NOTCH3: variants seen among roughly 807,000 people sequenced by gnomAD.
NOTCH3 encodes neurogenic locus notch homolog protein 3.
Under a neutral mutation model 213.3 loss-of-function variants are expected in NOTCH3, and 86 were observed. The observed-to-expected ratio is 0.40, with a 90% CI of 0.34 to 0.48. NOTCH3 has a LOEUF of 0.48. Ranked by LOEUF, NOTCH3 falls within the 20% of genes least tolerant of loss-of-function variation. NOTCH3 has a pLI of 0.57. For synonymous variants in NOTCH3, 1,354 were observed against 1,355.9 expected (o/e 1.00, Z 0.03); for missense variants, 2,783 against 3,272.6 (o/e 0.85, Z 3.65).
intron 2 of NOTCH3, 113 bp from the exon 3 acceptor site, chr19:15,192,632 T>A (rs1412830454): frequency 7.0e-7 from 1 of 1,436,892 alleles, no homozygotes; most frequent in African/African-American, 1.4e-5. Context: ...AAACACACAT[T>A]TGCTGGGAGC....
In NOTCH3 at chr19:15,159,444, T is replaced by C. The variant is rs1283631045; in HGVS notation, c.*1218A>G. The C allele has an allele frequency of 1.6e-5, 3 of 185,208 alleles. No individual in the cohort carries two copies. Among genetic ancestry groups the C allele is most frequent in the Non-Finnish European group, 3.4e-5 (3 of 87,490 alleles). 11.5% of individuals were successfully genotyped at this position (185,208 alleles called of 1,614,324 possible). ...AAGTTCTCGAGCAAAAGAATCTGATTGGCTCAGCTTAAGTCAGGTGACAAC... is the reference window on the plus strand; with the variant it reads ...AAGTTCTCGAGCAAAAGAATCTGATCGGCTCAGCTTAAGTCAGGTGACAAC... On this transcript the variant is annotated 3_prime_UTR_variant, in exon 33 of 33. Transcript: ENST00000263388.
intron 9 of NOTCH3, 98 bp downstream of exon 9, chr19:15,188,137 G>GT: frequency 9.2e-7 from 1 of 1,083,826 alleles, no homozygotes; most frequent in Non-Finnish European, 1.4e-6. Flanking sequence ...GGTTTCTATT[G>GT]TAAGTTATCC....
chr19:15,179,812 G>A (rs2046824265), intron 20 of NOTCH3, among the ~76,000 whole-genome samples: 1 of 152,054 alleles, frequency 6.6e-6, no homozygotes, highest in Non-Finnish European at 1.5e-5. Context: ...GAACCCAGGA[G>A]GCAAAGGTTG....
intron 23 of NOTCH3, chr19:15,178,390 T>C: frequency 2.4e-6 from 1 of 418,156 alleles, no homozygotes; most frequent in South Asian, 3.2e-5. Flanking sequence ...GGGCAGGGGG[T>C]TGTTTCTTTG....
intron 24 of NOTCH3, among the ~76,000 whole-genome samples, chr19:15,177,251 G>GGA (rs1555727292): frequency 8.6e-6 from 1 of 116,120 alleles, no homozygotes. Context: ...TCCATCTCGG[G>GGA]AAAAAAAAAA....
At chr19:15,164,547 A>AAG (rs2046670102) in intron 31 of NOTCH3, among the ~76,000 whole-genome samples, 2 of 143,004 alleles carry the variant, frequency 1.4e-5, no homozygotes, top group Non-Finnish European at 3.0e-5. Flanking sequence ...GTCTCAAAAA[A>AAG]AAAAATTAAA....
At chr19:15,193,787 CA>C (rs1171974208) in intron 2 of NOTCH3, among the ~76,000 whole-genome samples, 2 of 62,320 alleles carry the variant, frequency 3.2e-5, no homozygotes, top group African/African-American at 8.7e-5. Context: ...AAACAAAAAA[CA>C]AAAAAAACAA....
At chr19:15,181,946 CA>C in intron 16 of NOTCH3, 145 bp from the exon 17 acceptor site, 1 of 704,850 alleles carries the variant, frequency 1.4e-6, no homozygotes, top group Admixed American at 2.5e-5. Context: ...AATCTAAATC[CA>C]TCCCCTTCTG....
Position 15,187,897 on chromosome 19 carries a change from C to G in NOTCH3, c.1590G>C (p.Glu530Asp). Residue 530 changes from glutamate (E) to aspartate (D), a missense_variant, in exon 10 of 33, where the codon GAG becomes GAC. Physicochemically the swap from Glu to Asp is conservative, Grantham distance 45. Around this residue, in one of 6 missense-constraint regions of NOTCH3, gnomAD observed 708 missense variants for 906.6 expected, o/e 0.78. Coordinates refer to ENST00000263388, the MANE Select transcript of NOTCH3 (RefSeq NM_000435.3). ...CCGCCTCACCCTCGGCACAGCGGCA[C>G]TCGTAGCCATCGGGCTGGTCCACGC... ...AKCVDQPDGY[E>D]CRCAEGFEGT... 4 of 1,549,328 alleles carry G rather than the reference C, an allele frequency of 2.6e-6. No individual in the cohort carries two copies. Among genetic ancestry groups the G allele is most frequent in the Non-Finnish European group, 3.5e-6 (4 of 1,146,828 alleles).
intron 24 of NOTCH3, 59 bp from the exon 25 acceptor site, chr19:15,174,459 C>G: frequency 7.7e-7 from 1 of 1,297,966 alleles, no homozygotes; most frequent in Non-Finnish European, 1.1e-6. Flanking sequence ...AGACAATCCC[C>G]TTCCATGCAT....
intron 2 of NOTCH3, among the ~76,000 whole-genome samples, chr19:15,195,633 G>A (rs563920691): frequency 4.0e-5 from 6 of 151,890 alleles, no homozygotes; most frequent in Admixed American, 2.6e-4. Flanking sequence ...GCAAGCAAGG[G>A]TGCGGGTGGC....
At chr19:15,198,693 G>A (rs771216526) in intron 1 of NOTCH3, among the ~76,000 whole-genome samples, 60 of 152,190 alleles carry the variant, frequency 3.9e-4, no homozygotes, top group South Asian at 1.0e-3. Flanking sequence ...AGAGGTTCCA[G>A]TGAGCCGAGA....
Position 15,192,113 on chromosome 19 carries a change from T to C in NOTCH3, c.526A>G (p.Asn176Asp). 1.1e-5 allele frequency: 18 copies of C among 1,613,048 alleles called. No homozygotes were observed. Among genetic ancestry groups the C allele is most frequent in the Non-Finnish European group, 1.5e-5 (18 of 1,180,006 alleles). ...TGGCAGCGGAAGGAGCCAGGTGTGT[T>C]GAGGCAGGTGCCACCATGGCGGCAG... is the stretch of plus-strand genomic sequence containing the variant. ...EPCRHGGTCLNTPGSFRCQCP... is the reference protein window; with the variant it reads ...EPCRHGGTCLDTPGSFRCQCP... Residue 176 changes from asparagine (N) to aspartate (D), a missense_variant, in exon 4 of 33, where the codon AAC (asparagine) becomes GAC (aspartate). Asn to Asp is a conservative substitution (Grantham distance 23, BLOSUM62 1). Coordinates refer to ENST00000263388, the MANE Select transcript of NOTCH3 (RefSeq NM_000435.3).
intron 2 of NOTCH3, among the ~76,000 whole-genome samples, chr19:15,192,721 C>G (rs1327722657): frequency 6.6e-6 from 1 of 152,194 alleles, no homozygotes; most frequent in African/African-American, 2.4e-5. Flanking sequence ...TCAAGACCAG[C>G]CTAGCCAACA....
intron 1 of NOTCH3, among the ~76,000 whole-genome samples, chr19:15,199,282 C>T (rs2046992833): frequency 6.6e-6 from 1 of 152,110 alleles, no homozygotes. Flanking sequence ...AGCTGCACAC[C>T]CATACGGGAA....
chr19:15,185,782 A>C lies in NOTCH3; in HGVS notation c.1952-103T>G. Reference sequence around the variant, plus strand: ...AGCACACCCACACCCCCGAGCAATGACCTCTTTTTCATAACGCATCAGCTC... The same window carrying C: ...AGCACACCCACACCCCCGAGCAATGCCCTCTTTTTCATAACGCATCAGCTC... On this transcript the variant is annotated intron_variant, in intron 12 of 32. Transcript: ENST00000263388. This position sits in a 1 kb window ranked among gnomAD's most constrained non-coding sequence, Gnocchi z 4.2. 8.9e-7 allele frequency: 1 copy of C among 1,125,038 alleles called. No homozygotes were observed. Among genetic ancestry groups the C allele is most frequent in the Admixed American group, 1.9e-5 (1 of 52,954 alleles). 69.7% of individuals were successfully genotyped at this position (1,125,038 alleles called of 1,614,324 possible).
At position 15,189,106 on chromosome 19, in the gene NOTCH3, G is replaced by A. The variant is rs1555729068; in HGVS notation, c.1261C>T (p.Arg421Cys). The A allele has an allele frequency of 1.2e-6, 2 of 1,613,264 alleles. No homozygotes were observed. The highest frequency in any genetic ancestry group is 1.7e-6 in the Non-Finnish European group (2 of 1,180,036). Residue 421 changes from arginine to cysteine, a missense_variant, in exon 8 of 33, where the codon CGT (arginine) becomes TGT (cysteine). Arg to Cys is a radical substitution (Grantham distance 180). Around this residue, in one of 6 missense-constraint regions of NOTCH3, gnomAD observed 708 missense variants for 906.6 expected, o/e 0.78. Transcript: ENST00000263388. ...TCACAGCGAGGTCCAGTGTAGCCAC[G>A]ACCGCACTGGCACAGGAAGGAGCCC... is the stretch of plus-strand genomic sequence containing the variant. ...TQGSFLCQCG[R>C]GYTGPRCETD...
chr19:15,166,161 AC>A, intron 29 of NOTCH3, 70 bp from the exon 30 acceptor site: 10 of 1,386,636 alleles, frequency 7.2e-6, no homozygotes, highest in Non-Finnish European at 1.0e-5. Flanking sequence ...TATCAAGGGT[AC>A]CCCATTAGGA....
chr19:15,197,441 G>GGGGCCCCCCCCCCCCCCC, intron 2 of NOTCH3, 59 bp downstream of exon 2: 2 of 768,364 alleles, frequency 2.6e-6, no homozygotes, highest in Non-Finnish European at 2.3e-6. Flanking sequence ...AAGACAAATC[G>GGGGCCCCCCCCCCCCCCC]CCCCTCCCCC....
Sources: gnomAD v4.1 joint callset for allele counts (sites outside exome capture counted in the v4.1 genomes callset) on GRCh38, gnomAD v4.1.1 for gene constraint, gnomAD v4.1.1 regional missense constraint, Gnocchi (gnomAD v3.1) non-coding constraint, MANE v1.5 for transcripts, NCBI Gene and HGNC (gene_info 2026-07-23, HGNC 2026-07-21) for gene names.